ZNF600: variants seen among roughly 807,000 people sequenced by gnomAD.
ZNF600 encodes zinc finger protein KR-ZNF1.
ZNF600 carries 4 observed loss-of-function variants against 7.3 expected under a neutral mutation model. The observed-to-expected ratio is 0.55, with a 90% confidence interval of 0.27 to 1.25. The LOEUF is 1.25. Among genes scored for constraint, ZNF600 ranks in the 50% most tolerant of loss-of-function variants. ZNF600 has a pLI of 0.12. For synonymous variants in ZNF600, 290 were observed against 308.9 expected (o/e 0.94, Z 0.64); for missense variants, 911 against 922.1 (o/e 0.99, Z 0.16).
At chr19:52,796,627 C>T in the ZNF600 span, among the ~76,000 whole-genome samples, 3 of 152,120 alleles carry the variant, frequency 2.0e-5, no homozygotes, top group African/African-American at 7.2e-5. Context: ...CCACCATGCC[C>T]AGCTAATTTT....
upstream of ZNF600, among the ~76,000 whole-genome samples, chr19:52,788,981 T>G (rs1262889964): frequency 6.6e-6 from 1 of 152,258 alleles, no homozygotes; most frequent in Admixed American, 6.5e-5. Context: ...TGCTCTCCGC[T>G]TGGGGACTTG....
chr19:52,818,603 A>G, the ZNF600 span, among the ~76,000 whole-genome samples: 2 of 152,164 alleles, frequency 1.3e-5, no homozygotes, highest in African/African-American at 4.8e-5. Context: ...CCAGCTACTC[A>G]GGAGGCTGAG....
At chr19:52,790,069 A>C (rs11670436), upstream of ZNF600, among the ~76,000 whole-genome samples, 91,300 of 151,924 alleles carry the variant, frequency 0.6, 28,080 homozygotes, top group Non-Finnish European at 0.64. Flanking sequence ...AGGACCGGCC[A>C]TTTACACTTC....
intron 1 of ZNF600, among the ~76,000 whole-genome samples, 167 bp from the exon 4 acceptor site, chr19:52,779,074 T>C (rs1600393017): frequency 6.6e-6 from 1 of 152,092 alleles, no homozygotes; most frequent in East Asian, 1.9e-4. Context: ...GACCTATAAG[T>C]GTGTTTGACC....
chr19:52,794,941 G>A, the ZNF600 span, among the ~76,000 whole-genome samples: 1 of 152,182 alleles, frequency 6.6e-6, no homozygotes, highest in Non-Finnish European at 1.5e-5. Flanking sequence ...TTGATGGCAT[G>A]AATCCTAAAC....
the ZNF600 span, among the ~76,000 whole-genome samples, chr19:52,804,010 G>A: frequency 6.6e-6 from 1 of 152,118 alleles, no homozygotes; most frequent in Non-Finnish European, 1.5e-5. Flanking sequence ...TGGTAGATGT[G>A]GTATTCTCTA....
the ZNF600 span, among the ~76,000 whole-genome samples, chr19:52,826,462 C>T: frequency 6.6e-6 from 1 of 152,042 alleles, no homozygotes; most frequent in Non-Finnish European, 1.5e-5. Context: ...AATCCCAGCA[C>T]TTTGGGAGGA....
the ZNF600 span, chr19:52,809,756 G>A: frequency 6.3e-6 from 3 of 473,104 alleles, no homozygotes; most frequent in South Asian, 3.0e-5. Context: ...AGTGAGCTGA[G>A]ATCATGCCAC....
the ZNF600 span, among the ~76,000 whole-genome samples, chr19:52,793,764 CCACACACACACACACACACACACA>C: frequency 7.9e-5 from 11 of 138,830 alleles, no homozygotes; most frequent in East Asian, 4.0e-4. Flanking sequence ...CCAAACTCTG[CCACACACACACACACACACACACA>C]CACACACACA....
At chr19:52,805,917 T>G in the ZNF600 span, 1 of 151,634 alleles carries the variant, frequency 6.6e-6, no homozygotes, top group Non-Finnish European at 1.5e-5. Flanking sequence ...GAGGCAGAGG[T>G]TGCAGTGAGC....
At position 52,785,376 on chromosome 19, in the gene ZNF600, A is replaced by G. The variant is rs563444994; in HGVS notation, c.-20+1219T>C. 4.6e-5 allele frequency among the ~76,000 whole-genome samples: 7 copies of G among 151,580 alleles called. 1 individual carries two copies. In the East Asian group the frequency reaches 1.4e-3, roughly 29 times the overall value. On this transcript the variant is annotated intron_variant, in intron 1 of 3. Coordinates refer to ENST00000648973, the Ensembl canonical transcript of ZNF600. The stretch of plus-strand genomic sequence containing the variant: ...AGGTTTCTCCTGCCTCAGCCTCCCT[A>G]GTAGCTGGGATTACAGGCATGTGCA...
chr19:52,777,472 T>A (rs1306174648), intron 2 of ZNF600, among the ~76,000 whole-genome samples: 1 of 151,876 alleles, frequency 6.6e-6, no homozygotes, highest in Non-Finnish European at 1.5e-5. Flanking sequence ...GGCCAGGATA[T>A]CAAGGCTATA....
At chr19:52,801,219 T>C in the ZNF600 span, 1 of 1,614,212 alleles carries the variant, frequency 6.2e-7, no homozygotes, top group East Asian at 2.2e-5. Flanking sequence ...TTCTCTCATG[T>C]GTACATTCCG....
upstream of ZNF600, among the ~76,000 whole-genome samples, chr19:52,791,794 T>A (rs1423232085): frequency 3.3e-5 from 5 of 151,988 alleles, no homozygotes; most frequent in Admixed American, 6.6e-5. Context: ...TGGAGGAGCC[T>A]CCCCCACGAG....
At position 52,765,032 on chromosome 19, in the gene ZNF600, G is replaced by C. The variant is rs907630800; in HGVS notation, c.*555C>G. 1.8e-5 allele frequency: 5 copies of C among 283,542 alleles called. No homozygotes were observed. In the East Asian group the frequency reaches 4.8e-4, roughly 27 times the overall value. The allele number at this position is 283,542 out of a possible 1,614,324, so 17.6% of individuals were successfully genotyped here. A position where few individuals can be genotyped will look rare whatever the true frequency, so the allele number is the denominator to read the frequency against. ...ATTACAGGTGTGAGAAACCACACCTGGCCCAATCCTCTTAACATAAACACT... is the reference window on the plus strand; with the variant it reads ...ATTACAGGTGTGAGAAACCACACCTCGCCCAATCCTCTTAACATAAACACT... On this transcript the variant is annotated 3_prime_UTR_variant, in exon 4 of 4. Coordinates refer to ENST00000648973, the Ensembl canonical transcript of ZNF600.
chr19:52,778,834 G>T, exon 2 of ZNF600: 1 of 1,607,362 alleles, frequency 6.2e-7, no homozygotes, highest in Non-Finnish European at 8.5e-7. Context: ...ACCTGAGGAA[G>T]AGCCATGCCT....
intron 3 of ZNF600, among the ~76,000 whole-genome samples, chr19:52,771,145 T>C (rs2062627241): frequency 6.6e-6 from 1 of 152,082 alleles, no homozygotes; most frequent in African/African-American, 2.4e-5. Flanking sequence ...GACTACTGTT[T>C]TTATAAAAAG....
At chr19:52,801,329 G>A in the ZNF600 span, 2 of 1,614,024 alleles carry the variant, frequency 1.2e-6, no homozygotes, top group Non-Finnish European at 1.7e-6. Flanking sequence ...TTGAAACTGA[G>A]GAAGCATTGT....
chr19:52,822,074 C>CTTTTTTTTTTTTTTTT, the ZNF600 span, among the ~76,000 whole-genome samples: 37 of 78,692 alleles, frequency 4.7e-4, no homozygotes, highest in African/African-American at 1.5e-3. Flanking sequence ...TTCTTTTTCC[C>CTTTTTTTTTTTTTTTT]TTTTTTTTTT....
Sources: allele counts gnomAD v4.1 joint callset (sites outside exome capture counted in the v4.1 genomes callset), GRCh38; gene constraint gnomAD v4.1.1; transcripts MANE v1.5; gene names NCBI Gene and HGNC (gene_info 2026-07-23, HGNC 2026-07-21).